Variants in NOXRED1 observed in about 807,000 individuals in gnomAD.
NOXRED1 encodes NADP dependent oxidoreductase domain containing 1, also known as NADP-dependent oxidoreductase domain-containing protein 1.
In NOXRED1, 20 loss-of-function variants were observed where a neutral mutation model predicts 30.4. That is an observed-to-expected ratio of 0.66 (90% confidence interval 0.46 to 0.96). The LOEUF is 0.96. NOXRED1 is among the 40% of genes least tolerant of loss of function. The pLI is 0.00. For missense variants in NOXRED1, 374 were observed against 428.0 expected, an observed-to-expected ratio of 0.87 and a Z score of 1.11; for synonymous variants, 155 against 168.0, an observed-to-expected ratio of 0.92 and a Z score of 0.60.
At chr14:77,407,004 G>T (rs1738545355) in intron 3 of NOXRED1, 129 bp from the exon 4 acceptor site, 1 of 796,422 alleles carries the variant, frequency 1.3e-6, no homozygotes, top group Admixed American at 2.4e-5. Context: ...GCGGGTCTGG[G>T]TCTGTGCTGA....
chr14:77,407,836 A>C (rs1894520611), intron 2 of NOXRED1, among the ~76,000 whole-genome samples, 191 bp from the exon 3 acceptor site: 7 of 151,774 alleles, frequency 4.6e-5, no homozygotes, highest in Admixed American at 4.6e-4. Context: ...CTATTACTAA[A>C]GCAGCAGTAG....
intron 1 of NOXRED1, among the ~76,000 whole-genome samples, chr14:77,419,390 G>A (rs1220048532): frequency 3.4e-5 from 5 of 148,302 alleles, no homozygotes; most frequent in South Asian, 2.2e-4. Context: ...AGTTTTTGAA[G>A]CACAGGTTTG....
chr14:77,411,395 G>A (rs7144628), intron 2 of NOXRED1, among the ~76,000 whole-genome samples: 4,368 of 149,020 alleles, frequency 0.029, 237 homozygotes, highest in African/African-American at 0.1. Flanking sequence ...GCTTGAACCC[G>A]GGAGGCTGAG....
intron 2 of NOXRED1, among the ~76,000 whole-genome samples, chr14:77,408,988 TC>T (rs1468593956): frequency 0.024 from 2 of 82 alleles, no homozygotes; most frequent in East Asian, 0.25. Flanking sequence ...TGCCATAGCC[TC>T]CCAAATGTGC....
At position 77,405,073 on chromosome 14, in the gene NOXRED1, T is replaced by C. The variant is rs116682858; in HGVS notation, c.905+840A>G. On this transcript the variant is annotated intron_variant, in intron 5 of 5. Transcript: ENST00000380835. ...GCTTCTTTCACATATGCCACCGAAA[T>C]ACTGGTACAAGTGCACAAAGTACAA... Among the ~76,000 whole-genome samples the C allele has an allele frequency of 5.0e-3, 765 of 152,272 alleles. 6 individuals are homozygous for C. Among genetic ancestry groups the C allele is most frequent in the African/African-American group, 0.018 (737 of 41,546 alleles).
chr14:77,423,648 A>G (rs1895058757), upstream of NOXRED1: 1 of 152,214 alleles, frequency 6.6e-6, no homozygotes. Flanking sequence ...GCGTATCAGG[A>G]CATGAGTTCC....
At chr14:77,402,891 C>T (rs930188027) in intron 5 of NOXRED1, among the ~76,000 whole-genome samples, 2 of 151,430 alleles carry the variant, frequency 1.3e-5, no homozygotes, top group Non-Finnish European at 2.9e-5. Flanking sequence ...AAAAATTAGC[C>T]GGGTGTGGTG....
At chr14:77,402,827 G>C (rs941791510) in intron 5 of NOXRED1, among the ~76,000 whole-genome samples, 1 of 152,032 alleles carries the variant, frequency 6.6e-6, no homozygotes, top group Non-Finnish European at 1.5e-5. Context: ...CTGAGGTCAG[G>C]AGTTTGAGAC....
upstream of NOXRED1, among the ~76,000 whole-genome samples, chr14:77,424,277 C>T (rs1479235641): frequency 6.6e-6 from 1 of 152,092 alleles, no homozygotes; most frequent in East Asian, 1.9e-4. Flanking sequence ...GGTGAAACCC[C>T]ATCTCTACTA....
chr14:77,419,324 C>T lies in NOXRED1; in HGVS notation c.155+3411G>A, dbSNP rs558292874. 1.6e-3 allele frequency among the ~76,000 whole-genome samples: 245 copies of T among 151,508 alleles called. 3 individuals are homozygous for T. Among genetic ancestry groups the T allele is most frequent in the Non-Finnish European group, 1.5e-3 (103 of 67,828 alleles). On this transcript the variant is annotated intron_variant, in intron 1 of 5. Transcript: ENST00000380835. ...CTGACCTCAGGAGATCTGCCCGCCT[C>T]GGCCTCCCAAAGTGCTGGGGTCACA...
At chr14:77,397,043 G>A (rs1894207329) in intron 5 of NOXRED1, among the ~76,000 whole-genome samples, 1 of 152,134 alleles carries the variant, frequency 6.6e-6, no homozygotes, top group African/African-American at 2.4e-5. Context: ...TTACACTCCT[G>A]GTCATTCATT....
At chr14:77,401,992 A>G (rs1894337469) in intron 5 of NOXRED1, among the ~76,000 whole-genome samples, 1 of 152,248 alleles carries the variant, frequency 6.6e-6, no homozygotes, top group African/African-American at 2.4e-5. Flanking sequence ...GCAAAAAAGA[A>G]AAAATGAATC....
chr14:77,394,602 T>TG lies in NOXRED1; in HGVS notation c.*28dup, dbSNP rs754816478. The TG allele has an allele frequency of 6.4e-7, 1 of 1,574,732 alleles. No individual in the cohort carries two copies. The highest frequency in any genetic ancestry group is 1.1e-5 in the South Asian group (1 of 88,600). On this transcript the variant is annotated 3_prime_UTR_variant, in exon 6 of 6. Transcript: ENST00000380835. ...AACTATTATAGGGAAAATCTGTGAG[T>TG]GGGAAAAAATCCTGATTCCTGAGTT...
rs56942412 is a variant in NOXRED1, at chr14:77,406,590, TACACACACACACACAC to T, written c.682+118_682+133del. The T allele has an allele frequency of 3.1e-3, 2,371 of 768,530 alleles. 1 individual carries two copies. The highest frequency in any genetic ancestry group is 4.9e-3 in the East Asian group (187 of 38,360). The allele number at this position is 768,530 out of a possible 1,614,324, so 47.6% of individuals were successfully genotyped here. ...AGCTCTCCTGCAGTACCTTGTGCCT[TACACACACACACACAC>T]ACACACACACACACACACACACACA... On this transcript the variant is annotated intron_variant, in intron 4 of 5. Coordinates refer to ENST00000380835, the MANE Select transcript of NOXRED1 (RefSeq NM_001113475.3).
chr14:77,422,362 C>A (rs1032327448), intron 1 of NOXRED1, among the ~76,000 whole-genome samples: 1 of 152,136 alleles, frequency 6.6e-6, no homozygotes, highest in African/African-American at 2.4e-5. Flanking sequence ...ATTACCTCAG[C>A]CCCAAAAGAA....
upstream of NOXRED1, among the ~76,000 whole-genome samples, chr14:77,425,328 C>A (rs528166868): frequency 1.2e-4 from 18 of 152,306 alleles, no homozygotes; most frequent in African/African-American, 4.1e-4. Flanking sequence ...CATCCAATTT[C>A]TCTAAACAGG....
intron 2 of NOXRED1, among the ~76,000 whole-genome samples, chr14:77,411,498 T>C (rs924629726): frequency 6.7e-6 from 1 of 148,312 alleles, no homozygotes; most frequent in African/African-American, 2.5e-5. Flanking sequence ...AAAACTTGGA[T>C]ATATTTCAAA....
intron 5 of NOXRED1, among the ~76,000 whole-genome samples, chr14:77,399,224 G>A (rs771779858): frequency 1.1e-4 from 17 of 152,124 alleles, no homozygotes; most frequent in Non-Finnish European, 2.4e-4. Context: ...CTGGGAGGCC[G>A]AGGTGGGAGG....
rs372924291 is a variant in NOXRED1 at position 77,400,626 on chromosome 14, G to A, written c.905+5287C>T. On this transcript the variant is annotated intron_variant, in intron 5 of 5. Coordinates refer to ENST00000380835, the MANE Select transcript of NOXRED1 (RefSeq NM_001113475.3). Reference sequence around the variant, plus strand: ...GAGACAAACGGTTTTATTCTTCTGAGTTTTTGATGAGCCTTTCACTGAATA... The same window carrying A: ...GAGACAAACGGTTTTATTCTTCTGAATTTTTGATGAGCCTTTCACTGAATA... Among the ~76,000 whole-genome samples the A allele has an allele frequency of 1.5e-4, 23 of 152,280 alleles. No homozygotes were observed. In the East Asian group the frequency reaches 1.5e-3, roughly 10 times the overall value.
Sources: gnomAD v4.1 joint callset for allele counts (sites outside exome capture counted in the v4.1 genomes callset) on GRCh38, gnomAD v4.1.1 for gene constraint, MANE v1.5 for transcripts, NCBI Gene and HGNC (gene_info 2026-07-23, HGNC 2026-07-21) for gene names.